PPFIA2: variants seen among roughly 807,000 people sequenced by gnomAD.
PPFIA2 encodes liprin-alpha-2.
Under a neutral mutation model 175.5 loss-of-function variants are expected in PPFIA2, and 46 were observed. The observed-to-expected ratio is 0.26, with a 90% CI of 0.21 to 0.34. The LOEUF (loss-of-function observed/expected upper bound fraction) is 0.34. Among genes scored for constraint, PPFIA2 ranks in the 10% least tolerant of loss-of-function variants. PPFIA2 has a pLI of 1.00. For synonymous variants in PPFIA2, 568 were observed against 511.4 expected (o/e 1.11, Z -1.49); for missense variants, 1,179 against 1,506.1 (o/e 0.78, Z 3.60).
At chr12:81,516,113 G>A (rs767637790) in intron 4 of PPFIA2, among the ~76,000 whole-genome samples, 6 of 151,932 alleles carry the variant, frequency 3.9e-5, no homozygotes, top group African/African-American at 9.7e-5. Flanking sequence ...GTAGAAGAGT[G>A]GAAAAGCATA....
chr12:81,499,317 A>G (rs1470889722), intron 4 of PPFIA2, among the ~76,000 whole-genome samples: 1 of 152,172 alleles, frequency 6.6e-6, no homozygotes, highest in Non-Finnish European at 1.5e-5. Context: ...AAAATTGATG[A>G]TAATCTCAAA....
intron 3 of PPFIA2, among the ~76,000 whole-genome samples, chr12:81,751,943 A>G (rs2083880800): frequency 6.6e-6 from 1 of 152,180 alleles, no homozygotes; most frequent in African/African-American, 2.4e-5. Flanking sequence ...GGAAACATTT[A>G]AAAATCCAAA....
In PPFIA2 at chr12:81,277,356, G is replaced by C; in HGVS notation, c.3271C>G (p.Leu1091Val). ...TGGCTTGCTTCCCGTCTTCTTTCTA[G>C]TTCTTTTCTGTCATAATTCAACCTC... ...LKRLNYDRKE[L>V]ERRREASQHE... Residue 1091 changes from leucine to valine, a missense_variant, in exon 28 of 33, where the codon CTA (leucine) becomes GTA (valine). Coordinates refer to ENST00000549396, the MANE Select transcript of PPFIA2 (RefSeq NM_003625.5). 1 of 1,568,392 alleles carries C rather than the reference G, an allele frequency of 6.4e-7. No individual in the cohort carries two copies. Among genetic ancestry groups the C allele is most frequent in the Non-Finnish European group, 8.6e-7 (1 of 1,156,358 alleles).
intron 6 of PPFIA2, among the ~76,000 whole-genome samples, chr12:81,441,018 G>A (rs940712587): frequency 2.0e-5 from 3 of 151,286 alleles, no homozygotes; most frequent in African/African-American, 7.3e-5. Context: ...CAGTTAAGAT[G>A]TGTTTTAACA....
At chr12:81,626,537 G>T (rs1410977365) in intron 4 of PPFIA2, among the ~76,000 whole-genome samples, 1 of 152,004 alleles carries the variant, frequency 6.6e-6, no homozygotes, top group Admixed American at 6.6e-5. Context: ...CTCTTGTGCT[G>T]TTTGAGTCAC....
chr12:81,445,766 A>G, intron 5 of PPFIA2, 46 bp from the exon 6 acceptor site: 1 of 1,549,160 alleles, frequency 6.5e-7, no homozygotes. Flanking sequence ...AATACAAGTC[A>G]TAAATACTTA....
At position 81,711,676 on chromosome 12, in the gene PPFIA2, A is replaced by G. The variant is rs924776443; in HGVS notation, c.250-34832T>C. On this transcript the variant is annotated intron_variant, in intron 3 of 32. Coordinates refer to ENST00000549396, the MANE Select transcript of PPFIA2 (RefSeq NM_003625.5). ...AAATAAGAATGGTTTTCTACTTAAT[A>G]CTTGCCTATTAGTGCCAACATCAGC... Among the ~76,000 whole-genome samples the G allele has an allele frequency of 4.0e-5, 6 of 150,978 alleles. No homozygotes were observed. In the Admixed American group the frequency reaches 4.1e-4, roughly 10 times the overall value.
chr12:81,405,500 T>C (rs1182751852), intron 8 of PPFIA2, among the ~76,000 whole-genome samples: 1 of 151,868 alleles, frequency 6.6e-6, no homozygotes, highest in East Asian at 1.9e-4. Flanking sequence ...ATACATATTA[T>C]AAATTCAATT....
At chr12:81,320,130 C>T (rs2053331026) in intron 22 of PPFIA2, among the ~76,000 whole-genome samples, 1 of 152,006 alleles carries the variant, frequency 6.6e-6, no homozygotes, top group Non-Finnish European at 1.5e-5. Flanking sequence ...GATACCTTCA[C>T]ATATAAATAT....
Position 81,294,435 on chromosome 12 carries a change from T to TAGGAAGGA in PPFIA2, c.2925+399_2925+400insTCCTTCCT, listed in dbSNP as rs1359167074. On this transcript the variant is annotated intron_variant, in intron 24 of 32. Transcript: ENST00000549396. ...GAAGAAGGGAAGGAAGGAAGGAAGG[T>TAGGAAGGA]AGGTAGGAAGGAAGGAAGGAAGGAA... 171 of 83,354 alleles carry TAGGAAGGA rather than the reference T, an allele frequency of 2.1e-3. 2 individuals carry two copies. Among genetic ancestry groups the TAGGAAGGA allele is most frequent in the Admixed American group, 7.2e-3 (41 of 5,710 alleles). 5.2% of individuals were successfully genotyped at this position (83,354 alleles called of 1,614,324 possible). A position where few individuals can be genotyped will look rare whatever the true frequency, so the allele number is the denominator to read the frequency against.
At chr12:81,432,566 A>G (rs1282105718) in intron 7 of PPFIA2, among the ~76,000 whole-genome samples, 1 of 151,270 alleles carries the variant, frequency 6.6e-6, no homozygotes, top group Non-Finnish European at 1.5e-5. Flanking sequence ...CCCGGGTTCA[A>G]GCGATTCTCC....
At chr12:81,299,871 C>T (rs1458315767) in intron 22 of PPFIA2, among the ~76,000 whole-genome samples, 3 of 152,038 alleles carry the variant, frequency 2.0e-5, no homozygotes, top group Non-Finnish European at 4.4e-5. Context: ...TTAGTATGCC[C>T]TGTGGGTCCA....
At chr12:81,694,801 G>T (rs1367802955) in intron 3 of PPFIA2, among the ~76,000 whole-genome samples, 1 of 152,196 alleles carries the variant, frequency 6.6e-6, no homozygotes, top group African/African-American at 2.4e-5. Context: ...AACAACCTGT[G>T]AGAGCAGCCT....
intron 4 of PPFIA2, among the ~76,000 whole-genome samples, chr12:81,483,833 A>T (rs2058517329): frequency 6.6e-6 from 1 of 152,126 alleles, no homozygotes; most frequent in Admixed American, 6.6e-5. Context: ...TTTTAATGAA[A>T]TTTCTGCTGT....
chr12:81,543,882 C>A (rs1187251430), intron 4 of PPFIA2, among the ~76,000 whole-genome samples: 1 of 152,036 alleles, frequency 6.6e-6, no homozygotes, highest in Non-Finnish European at 1.5e-5. Context: ...AAATATCAGA[C>A]AAATACAAGT....
intron 6 of PPFIA2, among the ~76,000 whole-genome samples, chr12:81,441,735 T>C (rs2050211105): frequency 6.6e-6 from 1 of 152,026 alleles, no homozygotes; most frequent in Non-Finnish European, 1.5e-5. Flanking sequence ...TCAACAGACG[T>C]GTGATGTTTA....
intron 30 of PPFIA2, among the ~76,000 whole-genome samples, chr12:81,265,860 T>C (rs945853701): frequency 3.3e-5 from 5 of 152,220 alleles, no homozygotes; most frequent in African/African-American, 7.2e-5. Flanking sequence ...AGAATAATTG[T>C]ATTTTAAGAT....
intron 4 of PPFIA2, among the ~76,000 whole-genome samples, chr12:81,620,654 G>A (rs1199892537): frequency 6.6e-6 from 1 of 152,168 alleles, no homozygotes; most frequent in Non-Finnish European, 1.5e-5. Flanking sequence ...CTGCCTTAGT[G>A]ACACATTGGG....
intron 4 of PPFIA2, among the ~76,000 whole-genome samples, chr12:81,655,753 A>C (rs2067693266): frequency 6.6e-6 from 1 of 151,978 alleles, no homozygotes; most frequent in South Asian, 2.1e-4. Context: ...GAAATAAAGT[A>C]AGCGCTCTAT....
Sources: gnomAD v4.1 joint callset for allele counts (sites outside exome capture counted in the v4.1 genomes callset) on GRCh38, gnomAD v4.1.1 for gene constraint, MANE v1.5 for transcripts, NCBI Gene and HGNC (gene_info 2026-07-23, HGNC 2026-07-21) for gene names.